The following LORICRIN variants were observed in gnomAD, a reference collection of about 807,000 sequenced individuals.
The protein encoded by LORICRIN is loricrin cornified envelope precursor protein.
A neutral mutation model predicts 3.3 loss-of-function variants in LORICRIN; 5 were observed. The observed-to-expected ratio is 1.52, with a 90% CI of 0.79 to 3.19. LORICRIN has a LOEUF of 3.19. LORICRIN is among the 30% of genes most tolerant of loss of function. The pLI, the probability that LORICRIN is intolerant of heterozygous loss-of-function variation, is 0.00. For missense variants in LORICRIN, 524 were observed against 460.2 expected, an observed-to-expected ratio of 1.14 and a Z score of -1.27; for synonymous variants, 237 against 231.4, an observed-to-expected ratio of 1.02 and a Z score of -0.22.
In LORICRIN at chr1:153,260,993, A is replaced by G; in HGVS notation, c.44A>G (p.Asp15Gly). ...CAGCCCACCCCTCAGCCCCCAGTGG[A>G]CTGCGTGAAGACCTCTGGCGGCGGT... Reference protein sequence around the residue: ...KKQPTPQPPVDCVKTSGGGGG... With the variant: ...KKQPTPQPPVGCVKTSGGGGG... Residue 15 changes from aspartate to glycine, a missense_variant, in exon 2 of 2, where the codon GAC becomes GGC. Transcript: ENST00000368742. 27 of 1,593,010 alleles carry G rather than the reference A, an allele frequency of 1.7e-5. No individual in the cohort carries two copies. Among genetic ancestry groups the G allele is most frequent in the Non-Finnish European group, 2.3e-5 (27 of 1,170,322 alleles).
chr1:153,260,113 G>C (rs1325245579), intron 1 of LORICRIN, among the ~76,000 whole-genome samples: 2 of 152,198 alleles, frequency 1.3e-5, no homozygotes, highest in Admixed American at 6.5e-5. Context: ...CAAGAGAGTA[G>C]GGAGAATGAT....
At position 153,261,670 on chromosome 1, in the gene LORICRIN, T is replaced by C; in HGVS notation, c.721T>C (p.Phe241Leu). Residue 241 changes from phenylalanine to leucine, a missense_variant, in exon 2 of 2, where the codon TTC (phenylalanine) becomes CTC (leucine). Transcript: ENST00000368742. ...CGGCGGCAGCGGCGGAAGCGGCTGC[T>C]TCTCCAGCGGCGGGGGCGGCGGGAG... ...GGGGSGGSGC[F>L]SSGGGGGSSG... 6.6e-7 allele frequency: 1 copy of C among 1,519,858 alleles called. No individual in the cohort carries two copies. Among genetic ancestry groups the C allele is most frequent in the Non-Finnish European group, 8.7e-7 (1 of 1,143,344 alleles). The allele number at this position is 1,519,858 out of a possible 1,614,324, so 94.1% of individuals were successfully genotyped here.
intron 1 of LORICRIN, among the ~76,000 whole-genome samples, chr1:153,260,006 CG>C (rs1473298044): frequency 6.6e-6 from 1 of 152,088 alleles, no homozygotes; most frequent in Non-Finnish European, 1.5e-5. Flanking sequence ...GGCATGGTGC[CG>C]GGCACAGAAG....
At position 153,261,074 on chromosome 1, in the gene LORICRIN, CAG is replaced by C; in HGVS notation, c.126_127del (p.Gly44ArgfsTer2). On this transcript the variant is annotated frameshift_variant, in exon 2 of 2. Transcript: ENST00000368742. LOFTEE classifies it low-confidence loss of function (END_TRUNC). ...TGCGGCTTCTTCGGCGGCGGCGGCT[CAG>C]GGGGCGGTAGCAGCGGTTCTGGCTG... 1 of 1,498,014 alleles carries C rather than the reference CAG, an allele frequency of 6.7e-7. No homozygotes were observed. 92.8% of individuals were successfully genotyped at this position (1,498,014 alleles called of 1,614,324 possible). A position where few individuals can be genotyped will look rare whatever the true frequency, so the allele number is the denominator to read the frequency against.
chr1:153,261,060 C>G lies in LORICRIN; in HGVS notation c.111C>G (p.Phe37Leu). The G allele has an allele frequency of 6.6e-7, 1 of 1,510,298 alleles. No homozygotes were observed. Among genetic ancestry groups the G allele is most frequent in the Non-Finnish European group, 8.9e-7 (1 of 1,119,716 alleles). 93.6% of individuals were successfully genotyped at this position (1,510,298 alleles called of 1,614,324 possible). Residue 37 changes from phenylalanine (F) to leucine (L), a missense_variant, in exon 2 of 2, where the codon TTC becomes TTG. Phe to Leu is a conservative substitution (Grantham distance 22). Transcript: ENST00000368742. ...GGSGGGGCGF[F>L]GGGGSGGGSS... ...GCGGCGGTGGTGGCTGCGGCTTCTT[C>G]GGCGGCGGCGGCTCAGGGGGCGGTA...
rs1016419959 is a variant in LORICRIN, at chr1:153,260,984, C to T, written c.35C>T (p.Pro12Leu). 6.3e-7 allele frequency: 1 copy of T among 1,594,140 alleles called. No individual in the cohort carries two copies. Among genetic ancestry groups the T allele is most frequent in the East Asian group, 2.3e-5 (1 of 42,878 alleles). Residue 12 changes from proline (P) to leucine (L), a missense_variant, in exon 2 of 2, where the codon CCC (proline) becomes CTC (leucine). Pro to Leu is a moderately conservative substitution (Grantham distance 98). Transcript: ENST00000368742. Reference protein sequence around the residue: ...SYQKKQPTPQPPVDCVKTSGG... With the variant: ...SYQKKQPTPQLPVDCVKTSGG... The stretch of plus-strand genomic sequence containing the variant: ...CAGAAAAAGCAGCCCACCCCTCAGC[C>T]CCCAGTGGACTGCGTGAAGACCTCT...
At chr1:153,260,194 G>T (rs901724387) in intron 1 of LORICRIN, among the ~76,000 whole-genome samples, 1 of 152,206 alleles carries the variant, frequency 6.6e-6, no homozygotes, top group Non-Finnish European at 1.5e-5. Context: ...AGAGTTAGAA[G>T]TTCTGAGAGG....
Position 153,261,378 on chromosome 1 carries a change from C to A in LORICRIN, c.429C>A (p.Cys143Ter). ...GCTCCTCCGGGGGCGGCTCCGGCTG[C>A]TTCTCCTCCGGCGGCGGCGGCTTCT... ...GGGSSGGGSG[C>*]FSSGGGGFSG... Residue 143 changes from cysteine to a stop codon, truncating the protein, a stop_gained, in exon 2 of 2, where the codon TGC becomes TGA. Transcript: ENST00000368742. LOFTEE classifies it low-confidence loss of function (END_TRUNC). 1 of 1,489,716 alleles carries A rather than the reference C, an allele frequency of 6.7e-7. No homozygotes were observed. The highest frequency in any genetic ancestry group is 8.9e-7 in the Non-Finnish European group (1 of 1,127,610). 92.3% of individuals were successfully genotyped at this position (1,489,716 alleles called of 1,614,324 possible). A position where few individuals can be genotyped will look rare whatever the true frequency, so the allele number is the denominator to read the frequency against.
chr1:153,259,926 C>A (rs1277437096), intron 1 of LORICRIN, among the ~76,000 whole-genome samples, 193 bp downstream of exon 1: 1 of 152,180 alleles, frequency 6.6e-6, no homozygotes, highest in Non-Finnish European at 1.5e-5. Context: ...TGTTTCTGGT[C>A]TTCTGGCCAG....
At chr1:153,260,235 T>C (rs997361500) in intron 1 of LORICRIN, among the ~76,000 whole-genome samples, 2 of 152,228 alleles carry the variant, frequency 1.3e-5, no homozygotes, top group Non-Finnish European at 2.9e-5. Flanking sequence ...TCAAAGTCCC[T>C]TCTACCAAAC....
At chr1:153,260,458 C>T (rs991685184) in intron 1 of LORICRIN, among the ~76,000 whole-genome samples, 1 of 152,190 alleles carries the variant, frequency 6.6e-6, no homozygotes. Context: ...TGCAACAGCC[C>T]TCAATAGAAT....
intron 1 of LORICRIN, among the ~76,000 whole-genome samples, chr1:153,260,417 T>G (rs745992807): frequency 7.2e-5 from 11 of 151,844 alleles, no homozygotes; most frequent in Non-Finnish European, 1.6e-4. Context: ...AGACCAAGAG[T>G]TTGAACTAAG....
rs529125851 is a variant in LORICRIN at position 153,260,982 on chromosome 1, G to C, written c.33G>C (p.Gln11His). Residue 11 changes from glutamine (Q) to histidine (H), a missense_variant, in exon 2 of 2, where the codon CAG (glutamine) becomes CAC (histidine). Gln to His is a conservative substitution (Grantham distance 24, BLOSUM62 0). Transcript: ENST00000368742. ...ATCAGAAAAAGCAGCCCACCCCTCA[G>C]CCCCCAGTGGACTGCGTGAAGACCT... The part of the protein sequence containing the change: MSYQKKQPTP[Q>H]PPVDCVKTSG... 6.3e-7 allele frequency: 1 copy of C among 1,594,816 alleles called. No individual in the cohort carries two copies. Among genetic ancestry groups the C allele is most frequent in the Admixed American group, 1.7e-5 (1 of 57,978 alleles).
intron 1 of LORICRIN, among the ~76,000 whole-genome samples, 183 bp from the exon 2 acceptor site, chr1:153,260,744 G>A (rs974804139): frequency 6.6e-6 from 1 of 152,176 alleles, no homozygotes; most frequent in Non-Finnish European, 1.5e-5. Flanking sequence ...CATAATGAAG[G>A]CTTTCTGCAG....
chr1:153,261,646 G>T lies in LORICRIN; in HGVS notation c.697G>T (p.Gly233Cys). The stretch of plus-strand genomic sequence containing the variant: ...TTACGGAGGGGGGTCGTCCGGCGGC[G>T]GCGGCAGCGGCGGAAGCGGCTGCTT... ...PSYGGGSSGGGGSGGSGCFSS... is the reference protein window; with the variant it reads ...PSYGGGSSGGCGSGGSGCFSS... Residue 233 changes from glycine (G) to cysteine (C), a missense_variant, in exon 2 of 2, where the codon GGC becomes TGC. Transcript: ENST00000368742. 1.3e-6 allele frequency: 2 copies of T among 1,509,402 alleles called. No individual in the cohort carries two copies. Among genetic ancestry groups the T allele is most frequent in the Non-Finnish European group, 8.8e-7 (1 of 1,137,906 alleles). 93.5% of individuals were successfully genotyped at this position (1,509,402 alleles called of 1,614,324 possible).
In LORICRIN at chr1:153,261,589, G is replaced by C. The variant is rs767531787; in HGVS notation, c.640G>C (p.Val214Leu). The change falls in exon 2 of 2, where the codon GTC (valine) becomes CTC (leucine). Residue 214 changes from valine to leucine, a missense_variant. Transcript: ENST00000368742. Reference protein sequence around the residue: ...SGSGYVSSQQVTQTSCAPQPS... With the variant: ...SGSGYVSSQQLTQTSCAPQPS... ...CTCCGGCTACGTCTCCTCGCAGCAG[G>C]TCACTCAGACCTCGTGCGCGCCCCA... 3 of 1,517,564 alleles carry C rather than the reference G, an allele frequency of 2.0e-6. No individual in the cohort carries two copies. In the South Asian group the frequency reaches 3.6e-5, roughly 18 times the overall value. 94.0% of individuals were successfully genotyped at this position (1,517,564 alleles called of 1,614,324 possible).
In LORICRIN at chr1:153,261,047, G is replaced by T. The variant is rs771450357; in HGVS notation, c.98G>T (p.Gly33Val). Residue 33 changes from glycine (G) to valine (V), a missense_variant, in exon 2 of 2, where the codon GGC becomes GTC. Physicochemically the swap from Gly to Val is moderately radical, Grantham distance 109. Coordinates refer to ENST00000368742, the MANE Select transcript of LORICRIN (RefSeq NM_000427.3). ...GGTGGCGGCGGCAGCGGCGGTGGTG[G>T]CTGCGGCTTCTTCGGCGGCGGCGGC... ...GGGGGGSGGG[G>V]CGFFGGGGSG... The T allele has an allele frequency of 6.5e-7, 1 of 1,545,928 alleles. No homozygotes were observed. The highest frequency in any genetic ancestry group is 2.4e-5 in the East Asian group (1 of 40,828).
chr1:153,261,167 G>GCTCCTC lies in LORICRIN; in HGVS notation c.219_220insTCCTCC (p.Gly73_Gly74insSerSer). ...GGCGGGGGCTCCTCCGGCGGCGGGGGCGGGGGCGGCATTGGAGGCTGCGGA... is the reference window on the plus strand; with the variant it reads ...GGCGGGGGCTCCTCCGGCGGCGGGGGCTCCTCCGGGGGCGGCATTGGAGGCTGCGGA... On this transcript the variant is annotated inframe_insertion, in exon 2 of 2. Transcript: ENST00000368742. 7.5e-7 allele frequency: 1 copy of GCTCCTC among 1,340,050 alleles called. No individual in the cohort carries two copies. The highest frequency in any genetic ancestry group is 1.6e-5 in the African/African-American group (1 of 63,864). 83.0% of individuals were successfully genotyped at this position (1,340,050 alleles called of 1,614,324 possible). A position where few individuals can be genotyped will look rare whatever the true frequency, so the allele number is the denominator to read the frequency against.
chr1:153,260,560 G>A (rs1658739363), intron 1 of LORICRIN, among the ~76,000 whole-genome samples: 1 of 152,220 alleles, frequency 6.6e-6, no homozygotes, highest in African/African-American at 2.4e-5. Flanking sequence ...TTTGCACTCA[G>A]AGAATCAGTG....
Sources: gnomAD v4.1 joint callset for allele counts (sites outside exome capture counted in the v4.1 genomes callset) on GRCh38, gnomAD v4.1.1 for gene constraint, MANE v1.5 for transcripts, NCBI Gene and HGNC (gene_info 2026-07-23, HGNC 2026-07-21) for gene names.